The following C13orf42 variants were observed in gnomAD, a reference collection of about 807,000 sequenced individuals.
C13orf42 encodes the protein chromosome 13 open reading frame 42, also known as uncharacterized protein C13orf42.
chr13:51,083,079 GTCTC>G lies in C13orf42; in HGVS notation c.*1068_*1071del, dbSNP rs1162465739. 2 of 151,934 alleles carry G rather than the reference GTCTC, an allele frequency of 1.3e-5. No individual in the cohort carries two copies. 9.4% of individuals were successfully genotyped at this position (151,934 alleles called of 1,614,324 possible). ...TGTTTTGTTTTGTTTTCTGTTTTTT[GTCTC>G]TCTCCCTTCCTTCTGCCCAAAGACC... On this transcript the variant is annotated 3_prime_UTR_variant, in exon 4 of 4. Transcript: ENST00000563710.
intron 1 of C13orf42, among the ~76,000 whole-genome samples, chr13:51,136,029 G>A (rs1367116337): frequency 6.6e-6 from 1 of 152,132 alleles, no homozygotes; most frequent in Non-Finnish European, 1.5e-5. Context: ...ACCCCTAGGG[G>A]CCAAGGTCAC....
At chr13:51,148,520 G>C (rs897751785) in intron 1 of C13orf42, among the ~76,000 whole-genome samples, 1 of 152,212 alleles carries the variant, frequency 6.6e-6, no homozygotes, top group African/African-American at 2.4e-5. Context: ...GGTAAAAGCC[G>C]GCAGCCCCCT....
upstream of C13orf42, among the ~76,000 whole-genome samples, chr13:51,114,257 C>T (rs571028170): frequency 2.0e-5 from 3 of 152,146 alleles, no homozygotes; most frequent in Non-Finnish European, 4.4e-5. Context: ...CAACTACCTA[C>T]CAGCTTAAGA....
At chr13:51,160,963 G>GAAAAAAA (rs78703300) in intron 1 of C13orf42, among the ~76,000 whole-genome samples, 1 of 105,042 alleles carries the variant, frequency 9.5e-6, no homozygotes. Context: ...TTGGAAACAA[G>GAAAAAAA]AAAAAAAAAA....
At chr13:51,159,659 A>G (rs909365517) in intron 1 of C13orf42, among the ~76,000 whole-genome samples, 7 of 152,230 alleles carry the variant, frequency 4.6e-5, no homozygotes, top group African/African-American at 1.7e-4. Flanking sequence ...ACAATAAAAG[A>G]GAAATAGATC....
chr13:51,156,129 G>A (rs1247945931), intron 1 of C13orf42, among the ~76,000 whole-genome samples: 1 of 152,136 alleles, frequency 6.6e-6, no homozygotes, highest in African/African-American at 2.4e-5. Context: ...GGGTTCTCTT[G>A]GGGAAGAAGG....
chr13:51,136,243 C>A (rs1388330791), intron 1 of C13orf42, among the ~76,000 whole-genome samples: 3 of 152,136 alleles, frequency 2.0e-5, no homozygotes, highest in Non-Finnish European at 4.4e-5. Context: ...TCACAACCAC[C>A]TGCATGTTAG....
At chr13:51,135,141 G>A (rs1043320027) in intron 1 of C13orf42, among the ~76,000 whole-genome samples, 10 of 152,228 alleles carry the variant, frequency 6.6e-5, no homozygotes, top group Non-Finnish European at 4.4e-5. Flanking sequence ...GTCAGAGGAG[G>A]GAGGAACCAG....
intron 1 of C13orf42, among the ~76,000 whole-genome samples, chr13:51,117,598 C>G (rs937672259): frequency 6.6e-6 from 1 of 152,062 alleles, no homozygotes; most frequent in African/African-American, 2.4e-5. Context: ...ACTGATGGTA[C>G]TTTTGGGGTT....
intron 2 of C13orf42, among the ~76,000 whole-genome samples, chr13:51,087,203 A>G (rs73483792): frequency 0.014 from 2,126 of 152,282 alleles, 47 homozygotes; most frequent in African/African-American, 0.049. Flanking sequence ...GCTCTCCATC[A>G]GGAGGGGTGC....
intron 1 of C13orf42, among the ~76,000 whole-genome samples, chr13:51,122,397 C>T (rs1340497221): frequency 6.6e-6 from 1 of 151,710 alleles, no homozygotes; most frequent in Non-Finnish European, 1.5e-5. Context: ...AGCCAGGTAT[C>T]ATGGTGCATG....
chr13:51,130,336 T>C (rs774999080), intron 1 of C13orf42, among the ~76,000 whole-genome samples: 4 of 152,098 alleles, frequency 2.6e-5, no homozygotes, highest in East Asian at 1.9e-4. Flanking sequence ...CCTGGGAACA[T>C]GTGAAATTAG....
intron 1 of C13orf42, among the ~76,000 whole-genome samples, chr13:51,126,902 C>T (rs567898550): frequency 1.8e-4 from 27 of 152,294 alleles, no homozygotes; most frequent in African/African-American, 4.6e-4. Context: ...CAGTGGCTCA[C>T]GCTTATAATC....
At chr13:51,105,845 T>A (rs922371996) in intron 1 of C13orf42, among the ~76,000 whole-genome samples, 1 of 152,190 alleles carries the variant, frequency 6.6e-6, no homozygotes, top group Non-Finnish European at 1.5e-5. Context: ...TGTAGATATA[T>A]TGACAGTATG....
Position 51,084,077 on chromosome 13 carries a change from T to C in C13orf42, c.*74A>G. 2.5e-6 allele frequency: 1 copy of C among 398,098 alleles called. No homozygotes were observed. The allele number at this position is 398,098 out of a possible 1,614,324, so 24.7% of individuals were successfully genotyped here. ...AATTGGCATTTTCAACTCTACCAAA[T>C]ACCTCATGCTGCGCTGAAAGCGGAC... On this transcript the variant is annotated 3_prime_UTR_variant, in exon 4 of 4. Transcript: ENST00000563710.
rs991817126 is a variant in C13orf42, at chr13:51,100,188, G to A, written c.414+10608C>T. On this transcript the variant is annotated intron_variant, in intron 1 of 3. Transcript: ENST00000563710. Reference sequence around the variant, plus strand: ...GTTTTTTTTAAAAAAAAAGAAAAACGGAACTATTAAAAAAAGGATAATATG... The same window carrying A: ...GTTTTTTTTAAAAAAAAAGAAAAACAGAACTATTAAAAAAAGGATAATATG... 5.3e-5 allele frequency among the ~76,000 whole-genome samples: 8 copies of A among 151,632 alleles called. No individual in the cohort carries two copies. In the East Asian group the frequency reaches 7.7e-4, roughly 15 times the overall value.
intron 1 of C13orf42, among the ~76,000 whole-genome samples, chr13:51,105,468 C>T (rs1343349575): frequency 1.3e-5 from 2 of 152,180 alleles, no homozygotes; most frequent in African/African-American, 2.4e-5. Context: ...TTATTAAGGG[C>T]ATCACTAACC....
rs183086344 is a variant in C13orf42 at position 51,142,181 on chromosome 13, C to G, written n.137-28959G>C. Among the ~76,000 whole-genome samples the G allele has an allele frequency of 1.4e-3, 212 of 152,304 alleles. 1 individual carries two copies. The highest frequency in any genetic ancestry group is 4.9e-3 in the African/African-American group (204 of 41,560). ...CTTCTAATCCTGGGACTTTAGGCAG[C>G]CTAGTCCATAGACAATAAGTAGGTT... On this transcript the variant is annotated intron_variant and non_coding_transcript_variant, in intron 1 of 4. Transcript: ENST00000433280.
At chr13:51,157,413 G>A (rs559819087) in intron 1 of C13orf42, among the ~76,000 whole-genome samples, 13 of 152,172 alleles carry the variant, frequency 8.5e-5, no homozygotes, top group African/African-American at 2.9e-4. Flanking sequence ...CAGCCTGGGC[G>A]ACAGAGCGAG....
Sources: allele counts gnomAD v4.1 joint callset (sites outside exome capture counted in the v4.1 genomes callset), GRCh38; gene constraint gnomAD v4.1.1; transcripts MANE v1.5; gene names NCBI Gene and HGNC (gene_info 2026-07-23, HGNC 2026-07-21).